Variants in CDC42BPG observed in about 807,000 individuals in gnomAD.
CDC42BPG encodes the protein CDC42 binding protein kinase gamma, also known as serine/threonine-protein kinase MRCK gamma.
CDC42BPG carries 157 observed loss-of-function variants against 192.2 expected under a neutral mutation model. The ratio of observed to expected loss-of-function variants is 0.82; its 90% CI spans 0.72 to 0.93. The LOEUF (loss-of-function observed/expected upper bound fraction) is 0.93, where lower values mean the gene tolerates loss of function less well. Ranked by LOEUF, CDC42BPG falls within the 40% of genes least tolerant of loss-of-function variation. The pLI is 0.00. For synonymous variants in CDC42BPG, 981 were observed against 918.5 expected (o/e 1.07, Z -1.23); for missense variants, 1,992 against 2,122.1 (o/e 0.94, Z 1.20).
Position 64,840,540 on chromosome 11 carries a change from C to G in CDC42BPG, c.432+13G>C. 6.2e-7 allele frequency: 1 copy of G among 1,612,824 alleles called. No homozygotes were observed. Among genetic ancestry groups the G allele is most frequent in the Non-Finnish European group, 8.5e-7 (1 of 1,178,994 alleles). On this transcript the variant is annotated intron_variant, in intron 4 of 36. Coordinates refer to ENST00000342711, the MANE Select transcript of CDC42BPG (RefSeq NM_017525.3). ...CTAGGATGTTCCCCTCCAGCCCCGCCACGTATCCTCACCAGGTACTCCTCG... is the reference window on the plus strand; with the variant it reads ...CTAGGATGTTCCCCTCCAGCCCCGCGACGTATCCTCACCAGGTACTCCTCG...
Position 64,827,066 on chromosome 11 carries a change from G to A in CDC42BPG, c.4373C>T (p.Ala1458Val). The change falls in exon 34 of 37, where the codon GCC becomes GTC. Residue 1458 changes from alanine to valine, a missense_variant. Ala to Val is a moderately conservative substitution (Grantham distance 64). This residue lies in a region of CDC42BPG where 336 missense variants were observed against 277.9 expected (regional missense o/e 1.21). Coordinates refer to ENST00000342711, the MANE Select transcript of CDC42BPG (RefSeq NM_017525.3). The stretch of plus-strand genomic sequence containing the variant: ...AGGACTAACCGGGGACTTGTCCCTG[G>A]CGCCGGGCCGCCCGTTGGCAGGGCC... The part of the protein sequence containing the change: ...HVGPANGRPG[A>V]RDKSPAPEEK... The A allele has an allele frequency of 6.2e-7, 1 of 1,612,006 alleles. No homozygotes were observed. Among genetic ancestry groups the A allele is most frequent in the South Asian group, 1.1e-5 (1 of 91,046 alleles).
Position 64,838,723 on chromosome 11 carries a change from A to G in CDC42BPG, c.1056T>C (p.Tyr352=). 2 of 1,613,092 alleles carry G rather than the reference A, an allele frequency of 1.2e-6. No homozygotes were observed. The highest frequency in any genetic ancestry group is 1.7e-6 in the Non-Finnish European group (2 of 1,180,026). ...WERLASSTAP[Y]IPELRGPMDT... ...CCATGGGCCCCCGCAGCTCAGGAATATAGGGGGCCGTGCTGCTCGCCAGCC... is the reference window on the plus strand; with the variant it reads ...CCATGGGCCCCCGCAGCTCAGGAATGTAGGGGGCCGTGCTGCTCGCCAGCC... The change falls in exon 8 of 37, where the codon TAT becomes TAC. Residue 352 remains tyrosine, a synonymous_variant. Coordinates refer to ENST00000342711, the MANE Select transcript of CDC42BPG (RefSeq NM_017525.3).
chr11:64,828,057 T>G (rs1942516164), intron 30 of CDC42BPG, among the ~76,000 whole-genome samples: 1 of 152,192 alleles, frequency 6.6e-6, no homozygotes, highest in Non-Finnish European at 1.5e-5. Flanking sequence ...AATTTCCAGA[T>G]GAGGGAATGG....
intron 30 of CDC42BPG, among the ~76,000 whole-genome samples, chr11:64,828,822 C>G (rs1275396437): frequency 6.6e-6 from 1 of 152,166 alleles, no homozygotes; most frequent in Non-Finnish European, 1.5e-5. Flanking sequence ...GAGGCCAAGG[C>G]AGGTGGATCA....
Position 64,832,662 on chromosome 11 carries a change from C to T in CDC42BPG, c.2947G>A (p.Ala983Thr), listed in dbSNP as rs200627071. Residue 983 changes from alanine to threonine, a missense_variant, in exon 26 of 37, where the codon GCC becomes ACC. Coordinates refer to ENST00000342711, the MANE Select transcript of CDC42BPG (RefSeq NM_017525.3). The stretch of plus-strand genomic sequence containing the variant: ...GGCGGGCTGAGCCTCAGGTCAGGGG[C>T]GTCAAACAGCAGCAGGCGTGAGTCA... ...LSDSRLLLFDAPDLRLSPPSG... is the reference protein window; with the variant it reads ...LSDSRLLLFDTPDLRLSPPSG... 1.4e-4 allele frequency: 226 copies of T among 1,613,636 alleles called. 2 individuals carry two copies. In the East Asian group the frequency reaches 4.8e-3, roughly 34 times the overall value.
chr11:64,840,409 G>A, intron 4 of CDC42BPG, 141 bp from the exon 5 acceptor site: 1 of 1,398,124 alleles, frequency 7.2e-7, no homozygotes, highest in Non-Finnish European at 9.7e-7. Flanking sequence ...GCTCAGGCAG[G>A]AGGCGCCAAG....
Position 64,844,616 on chromosome 11 carries a change from A to C in CDC42BPG, c.-47T>G. The C allele has an allele frequency of 3.3e-6, 4 of 1,223,292 alleles. No homozygotes were observed. Among genetic ancestry groups the C allele is most frequent in the Non-Finnish European group, 4.1e-6 (4 of 981,094 alleles). 75.8% of individuals were successfully genotyped at this position (1,223,292 alleles called of 1,614,324 possible). Reference sequence around the variant, plus strand: ...GCTCGGCTACAGTCTGGCCGCCCGCATGCCCGCCTGTCGGGCCGTCCGTCC... The same window carrying C: ...GCTCGGCTACAGTCTGGCCGCCCGCCTGCCCGCCTGTCGGGCCGTCCGTCC... On this transcript the variant is annotated 5_prime_UTR_variant, in exon 1 of 37. The change abolishes an upstream ATG in the 5' untranslated region. Coordinates refer to ENST00000342711, the MANE Select transcript of CDC42BPG (RefSeq NM_017525.3).
In CDC42BPG at chr11:64,838,771, G is replaced by A. The variant is rs1225999579; in HGVS notation, c.1008C>T (p.Phe336=). 2.5e-6 allele frequency: 4 copies of A among 1,612,848 alleles called. No homozygotes were observed. The highest frequency in any genetic ancestry group is 1.1e-5 in the South Asian group (1 of 91,090). The change falls in exon 8 of 37, where the codon TTC becomes TTT. Residue 336 remains phenylalanine, a synonymous_variant. Transcript: ENST00000342711. ...GCCGCTCCCAGTCCACGCCTTCGAA[G>A]AAAGGATGGTTCCGGAAGTCATCCA... The part of the protein sequence containing the change: ...GGLDDFRNHP[F]FEGVDWERLA...
intron 36 of CDC42BPG, among the ~76,000 whole-genome samples, chr11:64,825,547 G>A (rs1355174812): frequency 6.6e-6 from 1 of 152,208 alleles, no homozygotes; most frequent in African/African-American, 2.4e-5. Context: ...AAACAGAGGG[G>A]ACTGCAGGGG....
chr11:64,834,894 C>T lies in CDC42BPG; in HGVS notation c.2130G>A (p.Glu710=). The stretch of plus-strand genomic sequence containing the variant: ...TCTGGGTGCCTACGTTCCTCAAGGA[C>T]TCCAGCTCCTCTGCCATCTTGGTGG... ...ALATKMAEEL[E]SLRNVGTQTL... Residue 710 remains glutamate (E), a synonymous_variant, in exon 18 of 37, where the codon GAG becomes GAA. Transcript: ENST00000342711. 1 of 1,614,126 alleles carries T rather than the reference C, an allele frequency of 6.2e-7. No homozygotes were observed. The highest frequency in any genetic ancestry group is 8.5e-7 in the Non-Finnish European group (1 of 1,180,022).
chr11:64,834,407 C>T (rs1444159283), intron 19 of CDC42BPG, 22 bp downstream of exon 19: 2 of 1,561,182 alleles, frequency 1.3e-6, no homozygotes, highest in East Asian at 2.4e-5. Context: ...CCCTGGCCCC[C>T]AGTGCCTGCC....
At chr11:64,832,533 A>C in intron 26 of CDC42BPG, 24 bp from the exon 27 acceptor site, 1 of 1,613,944 alleles carries the variant, frequency 6.2e-7, no homozygotes, top group Non-Finnish European at 8.5e-7. Context: ...AGAACAGGTC[A>C]GAAATCTCCC....
At chr11:64,836,875 G>GC in intron 10 of CDC42BPG, 47 bp downstream of exon 10, 1 of 1,609,476 alleles carries the variant, frequency 6.2e-7, no homozygotes, top group Non-Finnish European at 8.5e-7. Context: ...CGCAGCAGCA[G>GC]CCCCTAGGGC....
rs1187016841 is a variant in CDC42BPG at position 64,840,286 on chromosome 11, G to T, written c.433-18C>A. 2 of 1,606,194 alleles carry T rather than the reference G, an allele frequency of 1.2e-6. No homozygotes were observed. Among genetic ancestry groups the T allele is most frequent in the Non-Finnish European group, 1.7e-6 (2 of 1,178,004 alleles). The stretch of plus-strand genomic sequence containing the variant: ...ACAAGGTACTGGAGGTGGCGGACAA[G>T]AATCAGACCCGGGGGAAGGGTGCAC... On this transcript the variant is annotated intron_variant, in intron 4 of 36. Transcript: ENST00000342711.
chr11:64,833,211 T>C lies in CDC42BPG; in HGVS notation c.2731+20A>G, dbSNP rs748325487. The C allele has an allele frequency of 2.2e-5, 34 of 1,518,828 alleles. No individual in the cohort carries two copies. The South Asian group carries it at 2.3e-4, about 10-fold the overall frequency. The allele number at this position is 1,518,828 out of a possible 1,614,324, so 94.1% of individuals were successfully genotyped here. On this transcript the variant is annotated intron_variant, in intron 24 of 36. Coordinates refer to ENST00000342711, the MANE Select transcript of CDC42BPG (RefSeq NM_017525.3). The stretch of plus-strand genomic sequence containing the variant: ...CACACCTGGGACCGTGGCTGGAGCA[T>C]AGTGGGTGGGGACTCTCACCATCAC...
At position 64,835,745 on chromosome 11, in the gene CDC42BPG, G is replaced by A. The variant is rs1240878664; in HGVS notation, c.1758+17C>T. ...TGGTGGGGAAGCACCTCTTGCCAAG[G>A]GGGAGGACTTGACTACCTTGGCCTG... On this transcript the variant is annotated intron_variant, in intron 14 of 36. Transcript: ENST00000342711. 6.2e-7 allele frequency: 1 copy of A among 1,613,268 alleles called. No individual in the cohort carries two copies. The highest frequency in any genetic ancestry group is 1.1e-5 in the South Asian group (1 of 91,056).
chr11:64,832,445 G>A lies in CDC42BPG; in HGVS notation c.3070C>T (p.Leu1024=). ...SDVIHAQSRD[L]PRIFRVTTSQ... ...GCACTCACCCTAAAGATGCGTGGCA[G>A]GTCCCTGGATTGGGCATGGATAACA... Residue 1024 remains leucine, a synonymous_variant, in exon 27 of 37, where the codon CTG becomes TTG. Coordinates refer to ENST00000342711, the MANE Select transcript of CDC42BPG (RefSeq NM_017525.3). The A allele has an allele frequency of 6.2e-7, 1 of 1,614,038 alleles. No homozygotes were observed. Among genetic ancestry groups the A allele is most frequent in the Non-Finnish European group, 8.5e-7 (1 of 1,179,988 alleles).
intron 5 of CDC42BPG, 94 bp downstream of exon 5, chr11:64,840,026 T>C: frequency 7.9e-7 from 1 of 1,259,112 alleles, no homozygotes; most frequent in East Asian, 2.5e-5. Context: ...TGGCACATGA[T>C]GAGTGCTCAG....
In CDC42BPG at chr11:64,829,884, C is replaced by T. The variant is rs143831920; in HGVS notation, c.3554G>A (p.Gly1185Glu). ...ESRGCQVLAA[G>E]SILQARTPVL... is the part of the protein sequence containing the mutation. ...CGGGGTGCGGGCCTGCAGGATGCTT[C>T]CAGCTGCCAGCACCTGGCAGCCTCG... The change falls in exon 30 of 37, where the codon GGA becomes GAA. Residue 1185 changes from glycine (G) to glutamate (E), a missense_variant. Physicochemically the swap from Gly to Glu is moderately conservative, Grantham distance 98. Coordinates refer to ENST00000342711, the MANE Select transcript of CDC42BPG (RefSeq NM_017525.3). 12 of 1,608,388 alleles carry T rather than the reference C, an allele frequency of 7.5e-6. No individual in the cohort carries two copies. The African/African-American group carries it at 1.2e-4, about 16-fold the overall frequency.
Sources: gnomAD v4.1 joint callset for allele counts (sites outside exome capture counted in the v4.1 genomes callset) on GRCh38, gnomAD v4.1.1 for gene constraint, gnomAD v4.1.1 regional missense constraint, MANE v1.5 for transcripts, NCBI Gene and HGNC (gene_info 2026-07-23, HGNC 2026-07-21) for gene names.